ZNF385D: variants seen among roughly 807,000 people sequenced by gnomAD.
ZNF385D encodes the protein zinc finger protein 659.
Under a neutral mutation model 35.8 loss-of-function variants are expected in ZNF385D, and 15 were observed. The observed-to-expected ratio is 0.42, with a 90% CI of 0.28 to 0.64. The LOEUF is 0.64. Ranked by LOEUF, ZNF385D falls within the 30% of genes least tolerant of loss-of-function variation. ZNF385D has a pLI of 0.23. For synonymous variants in ZNF385D, 212 were observed against 186.8 expected (o/e 1.13, Z -1.10); for missense variants, 474 against 494.6 (o/e 0.96, Z 0.39).
At chr3:21,503,585 C>T (rs1706545567) in intron 4 of ZNF385D, among the ~76,000 whole-genome samples, 1 of 152,098 alleles carries the variant, frequency 6.6e-6, no homozygotes, top group Non-Finnish European at 1.5e-5. Flanking sequence ...TAAAAATGTG[C>T]ACCTAGATTT....
At chr3:22,065,502 G>C (rs1265615448) in intron 3 of ZNF385D, among the ~76,000 whole-genome samples, 2 of 152,204 alleles carry the variant, frequency 1.3e-5, no homozygotes, top group Non-Finnish European at 2.9e-5. Flanking sequence ...ATGTTAGAGT[G>C]GGGCAGAGTT....
In ZNF385D at chr3:21,450,408, A is replaced by G. The variant is rs142909323; in HGVS notation, c.440-13205T>C. 3.1e-4 allele frequency among the ~76,000 whole-genome samples: 47 copies of G among 152,316 alleles called. 1 individual carries two copies. The Middle Eastern group carries it at 0.017, about 55-fold the overall frequency. ...GAATAAATAAGAAATGTATGTATGT[A>G]TTTCTCTCTTTAAGATTTCAATCTG... On this transcript the variant is annotated intron_variant, in intron 4 of 7. Transcript: ENST00000281523.
At chr3:22,142,243 TAA>T (rs903161330) in intron 3 of ZNF385D, among the ~76,000 whole-genome samples, 1 of 152,100 alleles carries the variant, frequency 6.6e-6, no homozygotes, top group East Asian at 1.9e-4. Flanking sequence ...TGTTTTTAAC[TAA>T]AAAAAATTTC....
At chr3:21,760,484 G>T (rs1415144705) in intron 3 of ZNF385D, among the ~76,000 whole-genome samples, 1 of 152,112 alleles carries the variant, frequency 6.6e-6, no homozygotes, top group Admixed American at 6.5e-5. Flanking sequence ...TTTATGCAGT[G>T]GGACGTTATT....
At chr3:21,884,976 T>C (rs966289877) in intron 3 of ZNF385D, among the ~76,000 whole-genome samples, 1 of 152,082 alleles carries the variant, frequency 6.6e-6, no homozygotes, top group African/African-American at 2.4e-5. Flanking sequence ...ATTTTATCTG[T>C]GGCTACTTTT....
intron 2 of ZNF385D, among the ~76,000 whole-genome samples, chr3:22,209,476 GGTGTT>G (rs1425208130): frequency 1.3e-5 from 2 of 151,632 alleles, no homozygotes; most frequent in Non-Finnish European, 2.9e-5. Flanking sequence ...CCCTACATAT[GGTGTT>G]GTGTTATTTA....
intron 2 of ZNF385D, among the ~76,000 whole-genome samples, chr3:22,247,566 G>T (rs1433909040): frequency 6.6e-6 from 1 of 151,798 alleles, no homozygotes; most frequent in Non-Finnish European, 1.5e-5. Context: ...TCTTTGATTT[G>T]TTTTTCAATA....
intron 2 of ZNF385D, among the ~76,000 whole-genome samples, chr3:22,182,134 A>G (rs1309163294): frequency 1.3e-5 from 2 of 152,164 alleles, no homozygotes; most frequent in East Asian, 3.8e-4. Context: ...GAGCTAATAA[A>G]TGTGTGTTGT....
At chr3:22,023,767 T>C (rs1697365174) in intron 3 of ZNF385D, among the ~76,000 whole-genome samples, 1 of 152,062 alleles carries the variant, frequency 6.6e-6, no homozygotes, top group African/African-American at 2.4e-5. Flanking sequence ...CCTATATTGC[T>C]AAAAGGTGCA....
At chr3:21,746,234 G>A (rs2125540380) in intron 1 of ZNF385D, among the ~76,000 whole-genome samples, 1 of 152,282 alleles carries the variant, frequency 6.6e-6, no homozygotes, top group Middle Eastern at 3.4e-3. Context: ...GTCATCATTA[G>A]CTCATGAATT....
intron 3 of ZNF385D, among the ~76,000 whole-genome samples, chr3:22,044,832 A>G (rs944279997): frequency 6.6e-6 from 1 of 151,992 alleles, no homozygotes; most frequent in Non-Finnish European, 1.5e-5. Flanking sequence ...AAATGGGAGG[A>G]GGAGAGAAAA....
chr3:21,493,452 C>G (rs1356211739), intron 4 of ZNF385D, among the ~76,000 whole-genome samples: 1 of 152,040 alleles, frequency 6.6e-6, no homozygotes, highest in Non-Finnish European at 1.5e-5. Flanking sequence ...TAAATTAAAA[C>G]TATACTTTTA....
At chr3:21,483,167 A>C (rs560803010) in intron 4 of ZNF385D, among the ~76,000 whole-genome samples, 2 of 152,240 alleles carry the variant, frequency 1.3e-5, no homozygotes, top group South Asian at 4.1e-4. Flanking sequence ...CTTACCTCCA[A>C]CCCTAAATCC....
chr3:22,287,170 CGTT>C (rs1256131899), intron 2 of ZNF385D, among the ~76,000 whole-genome samples: 4 of 151,832 alleles, frequency 2.6e-5, no homozygotes, highest in African/African-American at 9.7e-5. Flanking sequence ...TTAAAGCTTA[CGTT>C]GTCTAATATA....
intron 4 of ZNF385D, among the ~76,000 whole-genome samples, chr3:21,496,367 TAC>T (rs200153090): frequency 0.078 from 11,309 of 145,666 alleles, 481 homozygotes; most frequent in South Asian, 0.084. Flanking sequence ...ATATCATATA[TAC>T]ACACATATAT....
intron 3 of ZNF385D, among the ~76,000 whole-genome samples, chr3:21,766,755 A>G (rs2070847357): frequency 6.6e-6 from 1 of 152,068 alleles, no homozygotes; most frequent in East Asian, 1.9e-4. Context: ...GGAGAATAAG[A>G]GGATATAATT....
chr3:22,270,924 G>A (rs1470839105), intron 2 of ZNF385D, among the ~76,000 whole-genome samples: 1 of 151,940 alleles, frequency 6.6e-6, no homozygotes, highest in Non-Finnish European at 1.5e-5. Context: ...TGTTCATGTG[G>A]ACCCATTTCA....
intron 3 of ZNF385D, among the ~76,000 whole-genome samples, chr3:22,116,535 G>T (rs752261655): frequency 6.6e-6 from 1 of 152,016 alleles, no homozygotes; most frequent in African/African-American, 2.4e-5. Context: ...AGAAAAAAGA[G>T]AAAATGTATA....
intron 1 of ZNF385D, among the ~76,000 whole-genome samples, chr3:21,682,213 T>TCTCTCTCTCTCTCTCTCTCTC (rs1553636599): frequency 1.3e-5 from 2 of 151,128 alleles, no homozygotes; most frequent in African/African-American, 2.4e-5. Flanking sequence ...TTGTTTTTAG[T>TCTCTCTCTCTCTCTCTCTCTC]TTAGCTTTGT....
Sources: allele counts gnomAD v4.1 joint callset (sites outside exome capture counted in the v4.1 genomes callset), GRCh38; gene constraint gnomAD v4.1.1; transcripts MANE v1.5; gene names NCBI Gene and HGNC (gene_info 2026-07-23, HGNC 2026-07-21).